NDUFB1: variants seen among roughly 807,000 people sequenced by gnomAD.
NDUFB1 encodes the protein NADH:ubiquinone oxidoreductase subunit B1.
NDUFB1 carries 6 observed loss-of-function variants against 6.7 expected under a neutral mutation model. The ratio of observed to expected loss-of-function variants is 0.89; its 90% CI spans 0.49 to 1.76. The LOEUF is 1.76. Ranked by LOEUF, NDUFB1 falls within the 40% of genes most tolerant of loss-of-function variation. NDUFB1 has a pLI of 0.01. For synonymous variants in NDUFB1, 17 were observed against 22.9 expected, an observed-to-expected ratio of 0.74 and a Z score of 0.74; for missense variants, 56 against 71.0, an observed-to-expected ratio of 0.79 and a Z score of 0.76.
At chr14:92,118,025 C>T (rs946666726) in intron 1 of NDUFB1, 1 of 229,316 alleles carries the variant, frequency 4.4e-6, no homozygotes, top group African/African-American at 2.3e-5. Flanking sequence ...GCATCTGAAA[C>T]AAGAAGATGA....
At chr14:92,120,112 C>A (rs1426044799) in intron 1 of NDUFB1, among the ~76,000 whole-genome samples, 2 of 152,084 alleles carry the variant, frequency 1.3e-5, no homozygotes, top group South Asian at 2.1e-4. Context: ...AGTTGGATTG[C>A]CAATTTTCTG....
chr14:92,121,680 G>T lies in NDUFB1; in HGVS notation c.-44C>A, dbSNP rs200123739. The T allele has an allele frequency of 6.2e-7, 1 of 1,613,584 alleles. No individual in the cohort carries two copies. Among genetic ancestry groups the T allele is most frequent in the South Asian group, 1.1e-5 (1 of 91,074 alleles). ...GCCTACAGCGACCCCGAGACCAAGG[G>T]CAACAGGGAACTCAACCCGCGCCAG... On this transcript the variant is annotated 5_prime_UTR_variant, in exon 1 of 3. Coordinates refer to ENST00000605997, the MANE Select transcript of NDUFB1 (RefSeq NM_004545.4).
chr14:92,121,359 T>C (rs1327506633), intron 1 of NDUFB1: 1 of 530,022 alleles, frequency 1.9e-6, no homozygotes, highest in Non-Finnish European at 3.4e-6. Flanking sequence ...GGGCCGGTCT[T>C]CTCTCCAGTC....
At chr14:92,117,476 G>C in intron 2 of NDUFB1, 22 bp downstream of exon 2, 2 of 1,611,770 alleles carry the variant, frequency 1.2e-6, no homozygotes, top group Non-Finnish European at 1.7e-6. Flanking sequence ...CCAATTGCTG[G>C]TTTAAAAAAA....
intron 1 of NDUFB1, among the ~76,000 whole-genome samples, chr14:92,120,921 G>A (rs1182763731): frequency 2.6e-5 from 4 of 151,674 alleles, no homozygotes; most frequent in African/African-American, 9.7e-5. Flanking sequence ...CAGCACTTTG[G>A]GATGCTGAGG....
intron 2 of NDUFB1, among the ~76,000 whole-genome samples, chr14:92,116,630 C>T (rs9919953): frequency 2.0e-5 from 3 of 151,722 alleles, no homozygotes; most frequent in South Asian, 2.1e-4. Flanking sequence ...CCACCGCGCC[C>T]GGTCAATATT....
At chr14:92,119,248 G>A (rs1162501938) in intron 1 of NDUFB1, among the ~76,000 whole-genome samples, 2 of 150,546 alleles carry the variant, frequency 1.3e-5, no homozygotes, top group African/African-American at 4.9e-5. Flanking sequence ...AGAGACGGAG[G>A]TTGCAATGAC....
At chr14:92,119,752 G>T (rs374801396) in intron 1 of NDUFB1, among the ~76,000 whole-genome samples, 1 of 151,806 alleles carries the variant, frequency 6.6e-6, no homozygotes, top group African/African-American at 2.4e-5. Flanking sequence ...TAGCCTGAAG[G>T]TAATCTTATA....
intron 1 of NDUFB1, chr14:92,117,960 T>C (rs911657990): frequency 9.4e-6 from 3 of 318,794 alleles, no homozygotes; most frequent in African/African-American, 6.5e-5. Context: ...ATCGTGCCAC[T>C]GTACTTCAGC....
At chr14:92,118,861 T>C (rs7152991) in intron 1 of NDUFB1, 82,970 of 218,014 alleles carry the variant, frequency 0.38, 17,563 homozygotes, top group East Asian at 0.83. Flanking sequence ...GTAGTCCCAG[T>C]TACTCAGGAG....
chr14:92,119,902 C>T (rs1433536480), intron 1 of NDUFB1, among the ~76,000 whole-genome samples: 2 of 151,856 alleles, frequency 1.3e-5, no homozygotes, highest in South Asian at 2.1e-4. Flanking sequence ...GCTGGAGCTA[C>T]GGGTGCTAAT....
intron 2 of NDUFB1, 28 bp from the exon 3 acceptor site, chr14:92,116,257 T>C (rs2141436749): frequency 6.3e-7 from 1 of 1,597,708 alleles, no homozygotes; most frequent in Non-Finnish European, 8.6e-7. Context: ...AAGGAAGAAA[T>C]GGAAAAACTG....
chr14:92,119,066 C>A, intron 1 of NDUFB1: 1 of 237,714 alleles, frequency 4.2e-6, no homozygotes, highest in African/African-American at 2.3e-5. Context: ...AACCACAGCA[C>A]TTTGGGAGAC....
intron 2 of NDUFB1, 90 bp from the exon 3 acceptor site, chr14:92,116,319 A>G (rs2141436807): frequency 2.1e-6 from 2 of 938,252 alleles, no homozygotes; most frequent in Non-Finnish European, 1.6e-6. Context: ...AATGATTGCA[A>G]TATTTCATTT....
chr14:92,118,960 C>A (rs34114160), intron 1 of NDUFB1: 51,174 of 355,500 alleles, frequency 0.14, 4,216 homozygotes, highest in East Asian at 0.36. Context: ...GGGGATACAG[C>A]GAGTCTCTGT....
chr14:92,118,951 GGGATA>G (rs2068734100), intron 1 of NDUFB1: 2 of 375,326 alleles, frequency 5.3e-6, no homozygotes, highest in Non-Finnish European at 1.0e-5. Context: ...TCCAGCCTGG[GGGATA>G]CAGCGAGTCT....
At position 92,117,622 on chromosome 14, in the gene NDUFB1, G is replaced by C. The variant is rs1355746463; in HGVS notation, c.16C>G (p.Gln6Glu). The C allele has an allele frequency of 6.2e-7, 1 of 1,613,312 alleles. No individual in the cohort carries two copies. The highest frequency in any genetic ancestry group is 8.5e-7 in the Non-Finnish European group (1 of 1,179,924). The stretch of plus-strand genomic sequence containing the variant: ...TGAACCCAGTGGTCCCGCACAATCT[G>C]AAGTAAGTTCACCATGATAGCTAAA... The part of the protein sequence containing the change: MVNLL[Q>E]IVRDHWVHVL... Residue 6 changes from glutamine to glutamate, a missense_variant, in exon 2 of 3, where the codon CAG (glutamine) becomes GAG (glutamate). Coordinates refer to ENST00000605997, the MANE Select transcript of NDUFB1 (RefSeq NM_004545.4).
chr14:92,121,534 C>G, intron 1 of NDUFB1, 108 bp downstream of exon 1: 2 of 1,512,880 alleles, frequency 1.3e-6, no homozygotes, highest in Non-Finnish European at 1.8e-6. Context: ...CGGGGAAGCC[C>G]AGACCACCCC....
At position 92,121,676 on chromosome 14, in the gene NDUFB1, A is replaced by C. The variant is rs779391031; in HGVS notation, c.-40T>G. 3 of 1,613,616 alleles carry C rather than the reference A, an allele frequency of 1.9e-6. No individual in the cohort carries two copies. In the South Asian group the frequency reaches 3.3e-5, roughly 18 times the overall value. On this transcript the variant is annotated 5_prime_UTR_variant, in exon 1 of 3. Transcript: ENST00000605997. Reference sequence around the variant, plus strand: ...CAGCGCCTACAGCGACCCCGAGACCAAGGGCAACAGGGAACTCAACCCGCG... The same window carrying C: ...CAGCGCCTACAGCGACCCCGAGACCCAGGGCAACAGGGAACTCAACCCGCG...
Sources: gnomAD v4.1 joint callset for allele counts (sites outside exome capture counted in the v4.1 genomes callset) on GRCh38, gnomAD v4.1.1 for gene constraint, MANE v1.5 for transcripts, NCBI Gene and HGNC (gene_info 2026-07-23, HGNC 2026-07-21) for gene names.